UNC5D: variants seen among roughly 807,000 people sequenced by gnomAD.
UNC5D encodes the protein netrin receptor UNC5D.
In UNC5D, 39 loss-of-function variants were observed where a neutral mutation model predicts 105.4. The observed-to-expected ratio is 0.37, with a 90% CI of 0.29 to 0.48. The LOEUF (loss-of-function observed/expected upper bound fraction) is 0.48. Among genes scored for constraint, UNC5D ranks in the 20% least tolerant of loss-of-function variants. The pLI is 0.98. For missense variants in UNC5D, 991 were observed against 1,202.4 expected (o/e 0.82, Z 2.60); for synonymous variants, 452 against 450.4 (o/e 1.00, Z -0.04).
chr8:35,730,912 A>G (rs1829156833), intron 10 of UNC5D, 100 bp from the exon 11 acceptor site: 2 of 994,628 alleles, frequency 2.0e-6, no homozygotes, highest in Admixed American at 2.3e-5. Context: ...TTGCCATGAG[A>G]AAGTAGCTTG....
intron 4 of UNC5D, among the ~76,000 whole-genome samples, chr8:35,629,261 A>G (rs10283043): frequency 0.012 from 1,886 of 152,228 alleles, 52 homozygotes; most frequent in African/African-American, 0.044. Flanking sequence ...ATGATATCTC[A>G]GTGTGGTTTT....
chr8:35,536,219 C>G (rs1343152472), intron 1 of UNC5D, among the ~76,000 whole-genome samples: 1 of 152,228 alleles, frequency 6.6e-6, no homozygotes, highest in African/African-American at 2.4e-5. Context: ...ATCAGGATAA[C>G]TGTCAAATCA....
chr8:35,253,473 C>CT (rs58063448), intron 1 of UNC5D, among the ~76,000 whole-genome samples: 1,088 of 99,894 alleles, frequency 0.011, 20 homozygotes, highest in African/African-American at 0.019. Context: ...ATTTTATTTC[C>CT]TTTTTTTTTT....
chr8:35,471,292 A>C (rs999071979), intron 1 of UNC5D, among the ~76,000 whole-genome samples: 5 of 152,134 alleles, frequency 3.3e-5, no homozygotes, highest in Non-Finnish European at 7.3e-5. Flanking sequence ...ATCACTATTG[A>C]CTTACTTATG....
intron 1 of UNC5D, among the ~76,000 whole-genome samples, chr8:35,515,298 T>G (rs1477728802): frequency 6.6e-6 from 1 of 152,230 alleles, no homozygotes; most frequent in Non-Finnish European, 1.5e-5. Flanking sequence ...CCATTTGATT[T>G]CAGGTTCAAG....
intron 13 of UNC5D, 73 bp downstream of exon 13, chr8:35,750,882 GAAAATTT>G: frequency 6.4e-7 from 1 of 1,574,578 alleles, no homozygotes. Flanking sequence ...AGTATCAATT[GAAAATTT>G]TATTACTGAG....
chr8:35,398,834 A>G (rs1238358571), intron 1 of UNC5D, among the ~76,000 whole-genome samples: 1 of 152,150 alleles, frequency 6.6e-6, no homozygotes, highest in Non-Finnish European at 1.5e-5. Context: ...ATTTTTAAAC[A>G]GGAGTTTAAA....
rs1239283693 is a variant in UNC5D at position 35,529,958 on chromosome 8, G to A, written c.104-19334G>A. On this transcript the variant is annotated intron_variant, in intron 1 of 16. Coordinates refer to ENST00000404895, the MANE Select transcript of UNC5D (RefSeq NM_080872.4). ...AGGAGATTTTGGGCTGAGACAATGG[G>A]GTTTTCTATATATACAATCATGTCA... 1.1e-4 allele frequency among the ~76,000 whole-genome samples: 16 copies of A among 151,108 alleles called. No individual in the cohort carries two copies. In the East Asian group the frequency reaches 2.6e-3, roughly 24 times the overall value.
chr8:35,636,222 C>T (rs1390712947), intron 4 of UNC5D, among the ~76,000 whole-genome samples: 2 of 152,082 alleles, frequency 1.3e-5, no homozygotes, highest in South Asian at 4.1e-4. Context: ...CAAACGGGGT[C>T]GAATGATGGG....
At chr8:35,392,489 G>A (rs915549008) in intron 1 of UNC5D, among the ~76,000 whole-genome samples, 5 of 152,254 alleles carry the variant, frequency 3.3e-5, no homozygotes, top group South Asian at 2.1e-4. Context: ...AAAGCGCTGG[G>A]ATTACTGGCC....
At chr8:35,241,913 C>T (rs1341793437) in intron 1 of UNC5D, among the ~76,000 whole-genome samples, 1 of 152,170 alleles carries the variant, frequency 6.6e-6, no homozygotes. Context: ...ACTGATCTAT[C>T]AGACACTGGG....
chr8:35,259,562 A>G (rs1804304375), intron 1 of UNC5D, among the ~76,000 whole-genome samples: 1 of 152,068 alleles, frequency 6.6e-6, no homozygotes, highest in Non-Finnish European at 1.5e-5. Context: ...TTGGTAGTTC[A>G]TTTTTACCTT....
At chr8:35,244,752 T>C (rs923547754) in intron 1 of UNC5D, among the ~76,000 whole-genome samples, 2 of 136,336 alleles carry the variant, frequency 1.5e-5, no homozygotes, top group African/African-American at 2.5e-5. Context: ...GGCTCATGCC[T>C]ATAATCCCAG....
intron 1 of UNC5D, among the ~76,000 whole-genome samples, chr8:35,335,206 C>A (rs1380254713): frequency 6.6e-6 from 1 of 152,122 alleles, no homozygotes; most frequent in Non-Finnish European, 1.5e-5. Flanking sequence ...GGGATTGTTT[C>A]CACCTTTCTG....
rs34672872 is a variant in UNC5D, at chr8:35,728,095, A to AAATATATATAT, written c.1681+1567_1681+1568insATATATATATA. ...CTAAAAAAAAAAAAAAAAAAAAAAA[A>AAATATATATAT]ATATATATATATATATGCCATAAAA... On this transcript the variant is annotated intron_variant, in intron 10 of 16. Coordinates refer to ENST00000404895, the MANE Select transcript of UNC5D (RefSeq NM_080872.4). Among the ~76,000 whole-genome samples the AAATATATATAT allele has an allele frequency of 1.4e-4, 15 of 110,356 alleles. 1 individual carries two copies. Among genetic ancestry groups the AAATATATATAT allele is most frequent in the African/African-American group, 8.2e-4 (15 of 18,296 alleles). The allele number at this position is 110,356 out of a possible 152,430, so 72.4% of individuals were successfully genotyped here.
intron 8 of UNC5D, among the ~76,000 whole-genome samples, chr8:35,721,874 G>A (rs2131534501): frequency 6.6e-6 from 1 of 152,270 alleles, no homozygotes; most frequent in Middle Eastern, 3.4e-3. Flanking sequence ...AAAGTGTTTT[G>A]CAGGTAAACA....
chr8:35,462,066 G>A (rs1036862423), intron 1 of UNC5D, among the ~76,000 whole-genome samples: 1 of 152,026 alleles, frequency 6.6e-6, no homozygotes, highest in African/African-American at 2.4e-5. Context: ...GCTTAGAAAA[G>A]ATTATTTAAG....
At chr8:35,418,416 G>A in intron 1 of UNC5D, among the ~76,000 whole-genome samples, 1 of 152,136 alleles carries the variant, frequency 6.6e-6, no homozygotes, top group East Asian at 1.9e-4. Flanking sequence ...AAGGCATTTT[G>A]AGCATATTGT....
chr8:35,270,507 G>T (rs1460257922), intron 1 of UNC5D, among the ~76,000 whole-genome samples: 3 of 152,048 alleles, frequency 2.0e-5, no homozygotes, highest in Non-Finnish European at 4.4e-5. Context: ...CCCAGCTTCT[G>T]CCTTTTTCTT....
Sources: gnomAD v4.1 joint callset for allele counts (sites outside exome capture counted in the v4.1 genomes callset) on GRCh38, gnomAD v4.1.1 for gene constraint, MANE v1.5 for transcripts, NCBI Gene and HGNC (gene_info 2026-07-23, HGNC 2026-07-21) for gene names.